The following PTPRD variants were observed in gnomAD, a reference collection of about 807,000 sequenced individuals.
PTPRD encodes the protein protein tyrosine phosphatase receptor type D.
Under a neutral mutation model 214.5 loss-of-function variants are expected in PTPRD, and 34 were observed. The observed-to-expected ratio is 0.16, with a 90% CI of 0.12 to 0.21. The LOEUF (loss-of-function observed/expected upper bound fraction) is 0.21. Ranked by LOEUF, PTPRD falls within the 10% of genes least tolerant of loss-of-function variation. PTPRD has a pLI of 1.00. For synonymous variants in PTPRD, 1,128 were observed against 845.7 expected, an observed-to-expected ratio of 1.33 and a Z score of -5.79; for missense variants, 2,545 against 2,398.7, an observed-to-expected ratio of 1.06 and a Z score of -1.27.
In PTPRD at chr9:8,319,217, A is replaced by G. The variant is rs1320079547; in HGVS notation, c.5670+614T>C. Among the ~76,000 whole-genome samples the G allele has an allele frequency of 2.0e-5, 3 of 152,142 alleles. No individual in the cohort carries two copies. The East Asian group carries it at 5.8e-4, about 29-fold the overall frequency. ...AATTTGGTGGCCTTTTGCAGAACAT[A>G]AACTCTATCAGTAATATTATCTTTA... On this transcript the variant is annotated intron_variant, in intron 45 of 45. Coordinates refer to ENST00000381196, the MANE Select transcript of PTPRD (RefSeq NM_002839.4).
chr9:10,576,589 G>C (rs994457556), intron 2 of PTPRD, among the ~76,000 whole-genome samples: 6 of 152,066 alleles, frequency 3.9e-5, no homozygotes, highest in Admixed American at 3.3e-4. Context: ...ATTTGATAAA[G>C]GTTGACTGAT....
At chr9:8,820,811 C>T (rs968042708) in intron 11 of PTPRD, among the ~76,000 whole-genome samples, 1 of 152,140 alleles carries the variant, frequency 6.6e-6, no homozygotes, top group Non-Finnish European at 1.5e-5. Flanking sequence ...CAGAATACCT[C>T]TATATTATGT....
chr9:8,522,818 C>T (rs1473576463), intron 19 of PTPRD, among the ~76,000 whole-genome samples: 4 of 152,106 alleles, frequency 2.6e-5, no homozygotes, highest in Non-Finnish European at 5.9e-5. Flanking sequence ...TTAGGGAGCA[C>T]ACCTTAAATA....
chr9:9,821,312 T>G (rs1238225666), intron 5 of PTPRD, among the ~76,000 whole-genome samples: 2 of 152,202 alleles, frequency 1.3e-5, no homozygotes, highest in Non-Finnish European at 2.9e-5. Flanking sequence ...ATTTAACCAC[T>G]GAAATGTCAA....
chr9:8,333,718 G>T (rs1215671965), intron 43 of PTPRD, among the ~76,000 whole-genome samples: 1 of 152,096 alleles, frequency 6.6e-6, no homozygotes, highest in African/African-American at 2.4e-5. Flanking sequence ...AACCTTAAAT[G>T]TACATGGACT....
At chr9:8,393,581 T>C (rs1280888487) in intron 36 of PTPRD, among the ~76,000 whole-genome samples, 2 of 152,154 alleles carry the variant, frequency 1.3e-5, no homozygotes, top group Non-Finnish European at 2.9e-5. Flanking sequence ...TCTTAGTGTC[T>C]TTGTTCAAGA....
At chr9:10,432,393 A>C (rs1333068126) in intron 2 of PTPRD, among the ~76,000 whole-genome samples, 1 of 151,712 alleles carries the variant, frequency 6.6e-6, no homozygotes, top group Non-Finnish European at 1.5e-5. Flanking sequence ...ATATGTAACT[A>C]ACCTGCACAA....
chr9:9,438,775 T>C (rs1261505204), intron 8 of PTPRD, among the ~76,000 whole-genome samples: 2 of 152,196 alleles, frequency 1.3e-5, no homozygotes, highest in Non-Finnish European at 2.9e-5. Flanking sequence ...AACATTCTAG[T>C]GTTAAATAAT....
In PTPRD at chr9:10,543,895, G is replaced by T. The variant is rs143714597; in HGVS notation, c.-600+68503C>A. ...TATATCCAAGTGCTAAGATGTCGGGGAATCTGCTTGTGATAGAAAAGATCC... is the reference window on the plus strand; with the variant it reads ...TATATCCAAGTGCTAAGATGTCGGGTAATCTGCTTGTGATAGAAAAGATCC... On this transcript the variant is annotated intron_variant, in intron 2 of 45. Coordinates refer to ENST00000381196, the MANE Select transcript of PTPRD (RefSeq NM_002839.4). Among the ~76,000 whole-genome samples the T allele has an allele frequency of 3.7e-3, 559 of 152,298 alleles. 2 individuals are homozygous for T. Among genetic ancestry groups the T allele is most frequent in the Non-Finnish European group, 5.3e-3 (361 of 68,032 alleles).
chr9:9,128,670 G>C (rs2099837894), intron 10 of PTPRD, among the ~76,000 whole-genome samples: 1 of 152,186 alleles, frequency 6.6e-6, no homozygotes, highest in African/African-American at 2.4e-5. Flanking sequence ...TACAATACTT[G>C]TGATGACATT....
intron 4 of PTPRD, among the ~76,000 whole-genome samples, chr9:9,984,151 T>C (rs1432020794): frequency 6.6e-6 from 1 of 152,112 alleles, no homozygotes; most frequent in Non-Finnish European, 1.5e-5. Flanking sequence ...AATAATAAAA[T>C]AGCATTCATT....
At chr9:10,195,579 A>ACGCATGTGATCC (rs2099394698) in intron 3 of PTPRD, among the ~76,000 whole-genome samples, 1 of 152,282 alleles carries the variant, frequency 6.6e-6, no homozygotes, top group East Asian at 1.9e-4. Context: ...GCCGTGGCTC[A>ACGCATGTGATCC]CGCCTGTGAT....
intron 8 of PTPRD, among the ~76,000 whole-genome samples, chr9:9,502,177 T>G (rs1032660553): frequency 3.3e-5 from 5 of 151,906 alleles, no homozygotes; most frequent in Admixed American, 1.3e-4. Context: ...AATACATTAT[T>G]ATTAACTATA....
At chr9:8,558,578 C>A (rs1281676773) in intron 14 of PTPRD, among the ~76,000 whole-genome samples, 1 of 152,192 alleles carries the variant, frequency 6.6e-6, no homozygotes, top group Non-Finnish European at 1.5e-5. Context: ...AGATTTTCAT[C>A]TCTCTGAAAC....
intron 44 of PTPRD, among the ~76,000 whole-genome samples, chr9:8,324,926 T>C (rs1397977377): frequency 2.0e-5 from 3 of 152,224 alleles, no homozygotes; most frequent in Non-Finnish European, 4.4e-5. Flanking sequence ...TTCATATCCT[T>C]CGCCCACTTT....
In PTPRD at chr9:9,191,541, T is replaced by A. The variant is rs891342991; in HGVS notation, c.-202-8178A>T. On this transcript the variant is annotated intron_variant, in intron 9 of 45. Transcript: ENST00000381196. ...GGGATAATTTGTAATGCAGCAATAG[T>A]TAACTAATACATTTTATGAGTATTT... is the stretch of plus-strand genomic sequence containing the variant. 3.3e-5 allele frequency among the ~76,000 whole-genome samples: 5 copies of A among 152,134 alleles called. No homozygotes were observed. The East Asian group carries it at 9.7e-4, about 29-fold the overall frequency.
At chr9:8,893,032 A>G (rs1001041930) in intron 11 of PTPRD, among the ~76,000 whole-genome samples, 1 of 152,206 alleles carries the variant, frequency 6.6e-6, no homozygotes, top group African/African-American at 2.4e-5. Flanking sequence ...ATATGAGAAG[A>G]AAAACTAAGT....
intron 11 of PTPRD, among the ~76,000 whole-genome samples, chr9:8,837,480 T>C (rs1316069502): frequency 1.3e-5 from 2 of 149,928 alleles, no homozygotes; most frequent in Non-Finnish European, 2.9e-5. Flanking sequence ...AAGACTAATC[T>C]CCTTTTCTCT....
chr9:10,577,577 C>G (rs2069874872), intron 2 of PTPRD, among the ~76,000 whole-genome samples: 1 of 152,112 alleles, frequency 6.6e-6, no homozygotes, highest in Non-Finnish European at 1.5e-5. Context: ...TTTGGACTTA[C>G]AAACTCAAGA....
Sources: gnomAD v4.1 joint callset for allele counts (sites outside exome capture counted in the v4.1 genomes callset) on GRCh38, gnomAD v4.1.1 for gene constraint, MANE v1.5 for transcripts, NCBI Gene and HGNC (gene_info 2026-07-23, HGNC 2026-07-21) for gene names.